KLHL31: variants seen among roughly 807,000 people sequenced by gnomAD.
KLHL31 encodes the protein kelch-like protein 31.
In KLHL31, 32 loss-of-function variants were observed where a neutral mutation model predicts 47.1. That is an observed-to-expected ratio of 0.68 (90% CI 0.51 to 0.91). The LOEUF is 0.91. Ranked by LOEUF, KLHL31 falls within the 40% of genes least tolerant of loss-of-function variation. KLHL31 has a pLI of 0.00. For synonymous variants in KLHL31, 330 were observed against 325.1 expected (o/e 1.01, Z -0.16); for missense variants, 797 against 819.3 (o/e 0.97, Z 0.33).
chr6:53,651,514 T>C lies in KLHL31; in HGVS notation c.*84A>G, dbSNP rs964654938. On this transcript the variant is annotated 3_prime_UTR_variant, in exon 3 of 3. Transcript: ENST00000370905. ...ATCAGTGTAGTAAATGTTAAATATT[T>C]TCCTTTTCGCGAACTCAGAGGTTAA... 1.0e-5 allele frequency: 15 copies of C among 1,465,982 alleles called. No homozygotes were observed. The highest frequency in any genetic ancestry group is 2.8e-5 in the African/African-American group (2 of 71,344). The allele number at this position is 1,465,982 out of a possible 1,614,324, so 90.8% of individuals were successfully genotyped here.
rs1246951414 is a variant in KLHL31, at chr6:53,651,681, A to G, written c.1822T>C (p.Ser608Pro). Reference protein sequence around the residue: ...DELPEATVGVSCCTLSMPNNV... With the variant: ...DELPEATVGVPCCTLSMPNNV... Reference sequence around the variant, plus strand: ...TTGGGCATCGAGAGGGTGCAGCAGGACACGCCGACAGTGGCCTCGGGTAGC... The same window carrying G: ...TTGGGCATCGAGAGGGTGCAGCAGGGCACGCCGACAGTGGCCTCGGGTAGC... Residue 608 changes from serine (S) to proline (P), a missense_variant, in exon 3 of 3, where the codon TCC becomes CCC. Coordinates refer to ENST00000370905, the MANE Select transcript of KLHL31 (RefSeq NM_001003760.5). The G allele has an allele frequency of 5.6e-6, 9 of 1,614,038 alleles. No individual in the cohort carries two copies. The highest frequency in any genetic ancestry group is 1.7e-5 in the Admixed American group (1 of 59,998).
At chr6:53,656,910 T>A (rs563684472) in intron 1 of KLHL31, among the ~76,000 whole-genome samples, 1 of 142,940 alleles carries the variant, frequency 7.0e-6, no homozygotes, top group East Asian at 2.1e-4. Context: ...AGCAACAGAC[T>A]GGGAAAACAA....
chr6:53,661,906 T>C (rs1033175024), intron 1 of KLHL31, among the ~76,000 whole-genome samples: 2 of 152,226 alleles, frequency 1.3e-5, no homozygotes, highest in Admixed American at 1.3e-4. Flanking sequence ...AAACATTCCA[T>C]TCTTTTTGAT....
At position 53,651,734 on chromosome 6, in the gene KLHL31, T is replaced by C; in HGVS notation, c.1769A>G (p.Glu590Gly). The C allele has an allele frequency of 6.2e-7, 1 of 1,614,140 alleles. No homozygotes were observed. Among genetic ancestry groups the C allele is most frequent in the Non-Finnish European group, 8.5e-7 (1 of 1,180,022 alleles). ...YKKCIQCFSP[E>G]LNEWTEDDEL... The stretch of plus-strand genomic sequence containing the variant: ...GTCGTCCTCCGTCCACTCGTTGAGC[T>C]CGGGGCTGAAGCACTGGATGCACTT... The change falls in exon 3 of 3, where the codon GAG (glutamate) becomes GGG (glycine). Residue 590 changes from glutamate to glycine, a missense_variant. Transcript: ENST00000370905.
Position 53,651,677 on chromosome 6 carries a change from C to G in KLHL31, c.1826G>C (p.Cys609Ser), listed in dbSNP as rs1358951811. Residue 609 changes from cysteine (C) to serine (S), a missense_variant, in exon 3 of 3, where the codon TGC (cysteine) becomes TCC (serine). Coordinates refer to ENST00000370905, the MANE Select transcript of KLHL31 (RefSeq NM_001003760.5). ...GTTGTTGGGCATCGAGAGGGTGCAG[C>G]AGGACACGCCGACAGTGGCCTCGGG... ...ELPEATVGVS[C>S]CTLSMPNNVT... 2.5e-6 allele frequency: 4 copies of G among 1,614,184 alleles called. No individual in the cohort carries two copies. The East Asian group carries it at 8.9e-5, about 36-fold the overall frequency.
chr6:53,652,297 C>T lies in KLHL31; in HGVS notation c.1206G>A (p.Leu402=), dbSNP rs2127367744. The change falls in exon 3 of 3, where the codon CTG becomes CTA. Residue 402 remains leucine, a synonymous_variant. Transcript: ENST00000370905. ...GCGTGCGCTTCTGGTTCATGCTGGCCAGGTGTATCCAGGTGTTGAAGCGGG... is the reference window on the plus strand; with the variant it reads ...GCGTGCGCTTCTGGTTCATGCTGGCTAGGTGTATCCAGGTGTTGAAGCGGG... ...YDPRFNTWIH[L]ASMNQKRTHF... 1 of 1,614,112 alleles carries T rather than the reference C, an allele frequency of 6.2e-7. No homozygotes were observed. The highest frequency in any genetic ancestry group is 1.1e-5 in the South Asian group (1 of 91,082).
chr6:53,660,749 AGAG>A (rs1764632609), intron 1 of KLHL31, among the ~76,000 whole-genome samples: 2 of 152,220 alleles, frequency 1.3e-5, no homozygotes, highest in Non-Finnish European at 2.9e-5. Context: ...GGGAGACAAC[AGAG>A]GTTGCAGTGA....
chr6:53,651,548 C>T lies in KLHL31; in HGVS notation c.*50G>A, dbSNP rs1345537873. ...GCGAACTCAGAGGTTAACCACGTGG[C>T]TCTACGAATAAATAACGTGTTCTTC... is the stretch of plus-strand genomic sequence containing the variant. On this transcript the variant is annotated 3_prime_UTR_variant, in exon 3 of 3. Transcript: ENST00000370905. The T allele has an allele frequency of 3.8e-6, 6 of 1,566,362 alleles. 1 individual carries two copies. The South Asian group carries it at 7.1e-5, about 19-fold the overall frequency.
Position 53,651,294 on chromosome 6 carries a change from A to G in KLHL31, c.*304T>C, listed in dbSNP as rs1764459161. ...ATGTGGGTGTAACCGCTATACATTT[A>G]GGAAACATGCCGCCTTGGGAGAGTG... On this transcript the variant is annotated 3_prime_UTR_variant, in exon 3 of 3. Coordinates refer to ENST00000370905, the MANE Select transcript of KLHL31 (RefSeq NM_001003760.5). 1 of 255,876 alleles carries G rather than the reference A, an allele frequency of 3.9e-6. No individual in the cohort carries two copies. The highest frequency in any genetic ancestry group is 2.2e-5 in the African/African-American group (1 of 44,776). 15.9% of individuals were successfully genotyped at this position (255,876 alleles called of 1,614,324 possible). A position where few individuals can be genotyped will look rare whatever the true frequency, so the allele number is the denominator to read the frequency against.
chr6:53,650,133 T>A lies in KLHL31; in HGVS notation c.*1465A>T, dbSNP rs973856928. 3.9e-5 allele frequency: 6 copies of A among 152,222 alleles called. No homozygotes were observed. The highest frequency in any genetic ancestry group is 1.4e-4 in the African/African-American group (6 of 41,458). 9.4% of individuals were successfully genotyped at this position (152,222 alleles called of 1,614,324 possible). ...TAACAAAAACCAAATTATATTTCCA[T>A]ATATCTCATGTTCAATTCCTAAATA... On this transcript the variant is annotated 3_prime_UTR_variant, in exon 3 of 3. Coordinates refer to ENST00000370905, the MANE Select transcript of KLHL31 (RefSeq NM_001003760.5).
At chr6:53,655,549 T>C (rs1288103241) in intron 1 of KLHL31, among the ~76,000 whole-genome samples, 1 of 152,158 alleles carries the variant, frequency 6.6e-6, no homozygotes, top group Non-Finnish European at 1.5e-5. Flanking sequence ...CATAACTGTA[T>C]TGCCAAGTAA....
chr6:53,664,498 CA>C (rs1400522553), intron 1 of KLHL31, among the ~76,000 whole-genome samples: 1 of 152,182 alleles, frequency 6.6e-6, no homozygotes, highest in Non-Finnish European at 1.5e-5. Flanking sequence ...TGCTGCCAAG[CA>C]ATGGTACATA....
rs74654302 is a variant in KLHL31 at position 53,659,306 on chromosome 6, A to G, written c.-33-4001T>C. On this transcript the variant is annotated intron_variant, in intron 1 of 2. Coordinates refer to ENST00000370905, the MANE Select transcript of KLHL31 (RefSeq NM_001003760.5). Reference sequence around the variant, plus strand: ...TTCTATGAGATTTTTAAAAAACACCAGGGAGAGAAAAGAAATACATACAAA... The same window carrying G: ...TTCTATGAGATTTTTAAAAAACACCGGGGAGAGAAAAGAAATACATACAAA... 7.6e-4 allele frequency among the ~76,000 whole-genome samples: 116 copies of G among 152,376 alleles called. 2 individuals carry two copies. In the South Asian group the frequency reaches 0.01, roughly 14 times the overall value.
intron 1 of KLHL31, among the ~76,000 whole-genome samples, chr6:53,657,794 A>G (rs1403351329): frequency 6.6e-6 from 1 of 152,132 alleles, no homozygotes; most frequent in African/African-American, 2.4e-5. Flanking sequence ...GTTCCTATCC[A>G]TGCAGAAGAA....
chr6:53,663,420 G>A (rs960845269), intron 1 of KLHL31, among the ~76,000 whole-genome samples: 3 of 152,208 alleles, frequency 2.0e-5, no homozygotes, highest in African/African-American at 2.4e-5. Flanking sequence ...ATTAAGGGTA[G>A]TAAGAATGTG....
Position 53,655,165 on chromosome 6 carries a change from G to A in KLHL31, c.108C>T (p.Leu36=), listed in dbSNP as rs184247234. 46 of 1,614,062 alleles carry A rather than the reference G, an allele frequency of 2.8e-5. No homozygotes were observed. In the East Asian group the frequency reaches 1.0e-3, roughly 36 times the overall value. ...AGCTAAGGCCATTGCCTCCCTCTAG[G>A]AGCCCATTCAAAGCATTCAGTTTGT... The part of the protein sequence containing the change: ...PLNKLNALNG[L]LEGGNGLSCI... Residue 36 remains leucine (L), a synonymous_variant, in exon 2 of 3, where the codon CTC becomes CTT. Transcript: ENST00000370905.
rs1764461699 is a variant in KLHL31, at chr6:53,651,399, T to TAAAAAAAAAACAAAA, written c.*198_*199insTTTTGTTTTTTTTTT. 1 of 63,348 alleles carries TAAAAAAAAAACAAAA rather than the reference T, an allele frequency of 1.6e-5. No individual in the cohort carries two copies. The highest frequency in any genetic ancestry group is 5.6e-4 in the East Asian group (1 of 1,792). The allele number at this position is 63,348 out of a possible 1,614,324, so 3.9% of individuals were successfully genotyped here. A position where few individuals can be genotyped will look rare whatever the true frequency, so the allele number is the denominator to read the frequency against. Reference sequence around the variant, plus strand: ...TGTTGGCCATTGCCCTGTATTTTGCTAAAAAAAAAAAAAAAAAAAAGAGGT... The same window carrying TAAAAAAAAAACAAAA: ...TGTTGGCCATTGCCCTGTATTTTGCTAAAAAAAAAACAAAAAAAAAAAAAAAAAAAAAAAAGAGGT... On this transcript the variant is annotated 3_prime_UTR_variant, in exon 3 of 3. Coordinates refer to ENST00000370905, the MANE Select transcript of KLHL31 (RefSeq NM_001003760.5).
intron 1 of KLHL31, among the ~76,000 whole-genome samples, chr6:53,663,401 C>T (rs1189314440): frequency 1.3e-5 from 2 of 152,240 alleles, no homozygotes; most frequent in South Asian, 2.1e-4. Flanking sequence ...CTGTGGATTT[C>T]TTTATCCTAT....
rs1446110808 is a variant in KLHL31, at chr6:53,651,856, C to A, written c.1647G>T (p.Ala549=). The stretch of plus-strand genomic sequence containing the variant: ...CAGTGCTCACTCCCACCTGCAGCGG[C>A]GCCGCGTAGCTCCACTGGCCGGTCG... ...SPATGQWSYA[A]PLQVGVSTAG... is the part of the protein sequence containing the mutation. Residue 549 remains alanine, a synonymous_variant, in exon 3 of 3, where the codon GCG becomes GCT. Transcript: ENST00000370905. 2 of 1,604,480 alleles carry A rather than the reference C, an allele frequency of 1.2e-6. No homozygotes were observed. The highest frequency in any genetic ancestry group is 2.7e-5 in the African/African-American group (2 of 74,880).
Sources: allele counts gnomAD v4.1 joint callset (sites outside exome capture counted in the v4.1 genomes callset), GRCh38; gene constraint gnomAD v4.1.1; transcripts MANE v1.5; gene names NCBI Gene and HGNC (gene_info 2026-07-23, HGNC 2026-07-21).